Variants in WWOX observed in about 807,000 individuals in gnomAD.
WWOX encodes the protein WW domain containing oxidoreductase.
A neutral mutation model predicts 46.2 loss-of-function variants in WWOX; 69 were observed. The observed-to-expected ratio is 1.49, with a 90% CI of 1.23 to 1.82. The LOEUF is 1.82. Ranked by LOEUF, WWOX falls within the 40% of genes most tolerant of loss-of-function variation. The pLI, the probability that WWOX is intolerant of heterozygous loss-of-function variation, is 0.00. For missense variants in WWOX, 919 were observed against 542.6 expected (o/e 1.69, Z -6.89); for synonymous variants, 359 against 202.6 (o/e 1.77, Z -6.56).
At chr16:78,821,521 G>A (rs931500426) in intron 8 of WWOX, among the ~76,000 whole-genome samples, 4 of 152,206 alleles carry the variant, frequency 2.6e-5, no homozygotes, top group Non-Finnish European at 5.9e-5. Flanking sequence ...TGACCAGAGT[G>A]TTTGCAGTTC....
chr16:78,959,530 T>G (rs918945116), intron 8 of WWOX, among the ~76,000 whole-genome samples: 2 of 152,064 alleles, frequency 1.3e-5, no homozygotes, highest in African/African-American at 4.8e-5. Flanking sequence ...CATCCACCTG[T>G]TCATCCATTC....
chr16:78,621,729 G>A (rs141686875), intron 8 of WWOX, among the ~76,000 whole-genome samples: 3,080 of 148,712 alleles, frequency 0.021, 105 homozygotes, highest in African/African-American at 0.071. Flanking sequence ...CTCAGCCTGC[G>A]GAGTAGCTGG....
intron 5 of WWOX, among the ~76,000 whole-genome samples, chr16:78,378,118 C>A (rs1159957529): frequency 6.6e-6 from 1 of 151,878 alleles, no homozygotes; most frequent in Non-Finnish European, 1.5e-5. Context: ...GTCCCCCCGC[C>A]CTGCCCCCTG....
chr16:78,940,186 G>T (rs2045823771), intron 8 of WWOX, among the ~76,000 whole-genome samples: 2 of 152,140 alleles, frequency 1.3e-5, no homozygotes, highest in East Asian at 3.9e-4. Flanking sequence ...AAGCATGAAT[G>T]CTGTATTACA....
At chr16:78,910,117 T>A (rs1207138483) in intron 8 of WWOX, among the ~76,000 whole-genome samples, 1 of 148,668 alleles carries the variant, frequency 6.7e-6, no homozygotes, top group African/African-American at 2.5e-5. Flanking sequence ...TGTGCTTTGT[T>A]AAATATTCCT....
At chr16:78,838,360 G>C (rs1032953718) in intron 8 of WWOX, among the ~76,000 whole-genome samples, 2 of 152,136 alleles carry the variant, frequency 1.3e-5, no homozygotes, top group African/African-American at 4.8e-5. Flanking sequence ...AGGCGCTCCT[G>C]CATGTTGATT....
intron 8 of WWOX, among the ~76,000 whole-genome samples, chr16:78,961,526 A>T (rs2046271012): frequency 1.3e-5 from 2 of 151,836 alleles, no homozygotes; most frequent in African/African-American, 4.8e-5. Flanking sequence ...GGTGGGTGGT[A>T]GGTGGGTACA....
intron 8 of WWOX, among the ~76,000 whole-genome samples, chr16:78,923,749 CA>C (rs34294483): frequency 0.25 from 37,280 of 148,488 alleles, 5,330 homozygotes; most frequent in South Asian, 0.45. Flanking sequence ...TCACAAGTTT[CA>C]CAAGTGATGA....
At chr16:78,970,764 C>T (rs774017497) in intron 8 of WWOX, among the ~76,000 whole-genome samples, 5 of 151,986 alleles carry the variant, frequency 3.3e-5, no homozygotes, top group Non-Finnish European at 7.4e-5. Flanking sequence ...CCTTATTAGT[C>T]GTGATTCTTG....
chr16:78,144,442 TATATACACATATATATATATACACAC>T (rs1243759073), intron 4 of WWOX, among the ~76,000 whole-genome samples: 1,806 of 19,274 alleles, frequency 0.094, 338 homozygotes, highest in East Asian at 0.52. Context: ...TATATATATA[TATATACACATATATATATATACACAC>T]ATATATATAT....
At chr16:78,840,902 C>T (rs987787349) in intron 8 of WWOX, among the ~76,000 whole-genome samples, 1 of 151,954 alleles carries the variant, frequency 6.6e-6, no homozygotes, top group East Asian at 1.9e-4. Context: ...TAGCAAACAT[C>T]TAGACGTAGT....
intron 8 of WWOX, among the ~76,000 whole-genome samples, chr16:78,575,632 G>T (rs1261291523): frequency 6.6e-6 from 1 of 152,148 alleles, no homozygotes; most frequent in Non-Finnish European, 1.5e-5. Context: ...CCTACTGTGT[G>T]CCATTAGAGA....
intron 8 of WWOX, among the ~76,000 whole-genome samples, chr16:78,565,542 T>A (rs1458194587): frequency 6.6e-6 from 1 of 152,222 alleles, no homozygotes; most frequent in Non-Finnish European, 1.5e-5. Context: ...TAAGGACCCT[T>A]TTGATTTCAT....
chr16:78,781,992 A>T (rs2050338547), intron 8 of WWOX, among the ~76,000 whole-genome samples: 1 of 152,186 alleles, frequency 6.6e-6, no homozygotes, highest in Admixed American at 6.5e-5. Flanking sequence ...CAGCACAAGC[A>T]ATTTGGTTCC....
intron 8 of WWOX, chr16:79,204,456 A>C (rs1336411431): frequency 1.3e-5 from 2 of 152,170 alleles, no homozygotes; most frequent in Non-Finnish European, 2.9e-5. Context: ...CTAGGGTCTC[A>C]CAATAATAGC....
intron 6 of WWOX, among the ~76,000 whole-genome samples, chr16:78,424,193 C>G (rs937130722): frequency 6.9e-6 from 1 of 145,572 alleles, no homozygotes; most frequent in South Asian, 2.3e-4. Context: ...TCTTAGCTCA[C>G]TGCAACCTCT....
At chr16:79,062,715 T>C (rs1372603031) in intron 8 of WWOX, among the ~76,000 whole-genome samples, 2 of 152,212 alleles carry the variant, frequency 1.3e-5, no homozygotes, top group African/African-American at 4.8e-5. Flanking sequence ...CTCCTGGTTT[T>C]CAGCCTGAGG....
intron 4 of WWOX, chr16:78,130,011 C>A (rs1263010192): frequency 6.6e-6 from 1 of 152,072 alleles, no homozygotes; most frequent in Non-Finnish European, 1.5e-5. Flanking sequence ...CTCATGAGAT[C>A]TGATGGTTTT....
chr16:78,337,856 TGTGACCTCAGTGG>T lies in WWOX; in HGVS notation c.517-49003_517-48991del, dbSNP rs2080929328. Among the ~76,000 whole-genome samples, 6 of 102,536 alleles carry T rather than the reference TGTGACCTCAGTGG, an allele frequency of 5.9e-5. 1 individual carries two copies. The highest frequency in any genetic ancestry group is 9.6e-5 in the Admixed American group (1 of 10,424). The allele number at this position is 102,536 out of a possible 152,430, so 67.3% of individuals were successfully genotyped here. A position where few individuals can be genotyped will look rare whatever the true frequency, so the allele number is the denominator to read the frequency against. The stretch of plus-strand genomic sequence containing the variant: ...TCCACCATGAAGAAGTGGAGAGCCG[TGTGACCTCAGTGG>T]TAGAGCTGATGTAGAAGCGCCCTCT... On this transcript the variant is annotated intron_variant, in intron 5 of 8. Transcript: ENST00000566780.
Sources: gnomAD v4.1 joint callset for allele counts (sites outside exome capture counted in the v4.1 genomes callset) on GRCh38, gnomAD v4.1.1 for gene constraint, MANE v1.5 for transcripts, NCBI Gene and HGNC (gene_info 2026-07-23, HGNC 2026-07-21) for gene names.